Variants in SLC4A10 observed in about 807,000 individuals in gnomAD.
SLC4A10 encodes the protein sodium-driven chloride bicarbonate exchanger.
SLC4A10 carries 42 observed loss-of-function variants against 137.7 expected under a neutral mutation model. The observed-to-expected ratio is 0.30, with a 90% CI of 0.24 to 0.39. The LOEUF (loss-of-function observed/expected upper bound fraction) is 0.39. Ranked by LOEUF, SLC4A10 falls within the 10% of genes least tolerant of loss-of-function variation. SLC4A10 has a pLI of 1.00. For synonymous variants in SLC4A10, 474 were observed against 464.1 expected (o/e 1.02, Z -0.27); for missense variants, 925 against 1,355.0 (o/e 0.68, Z 4.98).
intron 6 of SLC4A10, among the ~76,000 whole-genome samples, chr2:161,869,514 T>C (rs2060975905): frequency 6.6e-6 from 1 of 151,644 alleles, no homozygotes; most frequent in Admixed American, 6.6e-5. Flanking sequence ...ATATTGGTTT[T>C]ATATATACAG....
At chr2:161,891,450 G>T (rs904505250) in intron 10 of SLC4A10, among the ~76,000 whole-genome samples, 10 of 151,926 alleles carry the variant, frequency 6.6e-5, no homozygotes, top group Admixed American at 6.6e-4. Flanking sequence ...CGTAGGTTTG[G>T]TCTATTCACA....
At chr2:161,847,286 T>TAC (rs144144995) in intron 4 of SLC4A10, among the ~76,000 whole-genome samples, 4,801 of 147,936 alleles carry the variant, frequency 0.032, 199 homozygotes, top group African/African-American at 0.095. Context: ...CACACACACA[T>TAC]ACACACACAC....
chr2:161,908,286 A>G (rs1458104132), intron 15 of SLC4A10, among the ~76,000 whole-genome samples: 3 of 152,036 alleles, frequency 2.0e-5, no homozygotes, highest in African/African-American at 7.2e-5. Flanking sequence ...AAAGTGTTTG[A>G]AAAGAGATAC....
rs1208143673 is a variant in SLC4A10, at chr2:161,660,572, CTT to C, written c.48+36008_48+36009del. ...CTCATCTATATTTCTTTCTTTCTTTCTTTCTTTCTTTCTTTCTTTCTTTCTTT... is the reference window on the plus strand; with the variant it reads ...CTCATCTATATTTCTTTCTTTCTTTCTCTTTCTTTCTTTCTTTCTTTCTTT... On this transcript the variant is annotated intron_variant, in intron 1 of 26. Transcript: ENST00000446997. Among the ~76,000 whole-genome samples the C allele has an allele frequency of 4.2e-5, 5 of 120,140 alleles. No individual in the cohort carries two copies. The South Asian group carries it at 1.0e-3, about 24-fold the overall frequency. The allele number at this position is 120,140 out of a possible 152,430, so 78.8% of individuals were successfully genotyped here. A position where few individuals can be genotyped will look rare whatever the true frequency, so the allele number is the denominator to read the frequency against.
At chr2:161,726,899 ACT>A (rs2046294773) in intron 1 of SLC4A10, among the ~76,000 whole-genome samples, 1 of 152,162 alleles carries the variant, frequency 6.6e-6, no homozygotes, top group South Asian at 2.1e-4. Context: ...ACAGAGCAAG[ACT>A]CTGTCTCAAA....
intron 1 of SLC4A10, among the ~76,000 whole-genome samples, chr2:161,744,089 T>C (rs775929425): frequency 1.9e-4 from 29 of 152,266 alleles, no homozygotes; most frequent in South Asian, 1.0e-3. Context: ...GATAATTCTA[T>C]TTATTCCTTT....
chr2:161,741,125 T>G lies in SLC4A10; in HGVS notation c.49-29848T>G, dbSNP rs192761476. On this transcript the variant is annotated intron_variant, in intron 1 of 26. Transcript: ENST00000446997. ...GTGTCTCCACAAAAAATTAGCAAAGTGTTGTAGTGGGCACCTGAAGTTCCA... is the reference window on the plus strand; with the variant it reads ...GTGTCTCCACAAAAAATTAGCAAAGGGTTGTAGTGGGCACCTGAAGTTCCA... Among the ~76,000 whole-genome samples, 8 of 151,844 alleles carry G rather than the reference T, an allele frequency of 5.3e-5. No homozygotes were observed. The East Asian group carries it at 1.6e-3, about 30-fold the overall frequency.
intron 21 of SLC4A10, among the ~76,000 whole-genome samples, chr2:161,960,582 T>A (rs1321073501): frequency 2.6e-5 from 4 of 151,108 alleles, no homozygotes; most frequent in Non-Finnish European, 5.9e-5. Flanking sequence ...CAGACGGGTG[T>A]GGTGGTGCAT....
At position 161,854,963 on chromosome 2, in the gene SLC4A10, TG is replaced by T; in HGVS notation, c.417-6del. The T allele has an allele frequency of 6.2e-7, 1 of 1,609,374 alleles. No homozygotes were observed. Among genetic ancestry groups the T allele is most frequent in the Non-Finnish European group, 8.5e-7 (1 of 1,177,946 alleles). Reference sequence around the variant, plus strand: ...ATAAACTGTGCTGATAATATTTGTTTGTATAGGTGGTTGAAGTTTGAAGAAG... The same window carrying T: ...ATAAACTGTGCTGATAATATTTGTTTTATAGGTGGTTGAAGTTTGAAGAAG... On this transcript the variant is annotated splice_polypyrimidine_tract_variant and splice_region_variant and intron_variant, in intron 4 of 26. Coordinates refer to ENST00000446997, the MANE Select transcript of SLC4A10 (RefSeq NM_001178015.2).
At chr2:161,897,304 A>G (rs1384237528) in intron 11 of SLC4A10, among the ~76,000 whole-genome samples, 1 of 152,104 alleles carries the variant, frequency 6.6e-6, no homozygotes, top group African/African-American at 2.4e-5. Context: ...TGCCACCTCT[A>G]TGCCTACTGA....
At chr2:161,971,394 C>A (rs1050649950) in intron 23 of SLC4A10, among the ~76,000 whole-genome samples, 8 of 152,186 alleles carry the variant, frequency 5.3e-5, no homozygotes, top group African/African-American at 1.9e-4. Context: ...TCAGTGAACT[C>A]TCTCAAAGGT....
chr2:161,760,311 T>C (rs564110012), intron 1 of SLC4A10, among the ~76,000 whole-genome samples: 1 of 152,206 alleles, frequency 6.6e-6, no homozygotes, highest in East Asian at 1.9e-4. Flanking sequence ...CTTATTCTTA[T>C]ATCATCTTTC....
At chr2:161,843,778 G>T (rs1170963128) in intron 4 of SLC4A10, among the ~76,000 whole-genome samples, 2 of 151,938 alleles carry the variant, frequency 1.3e-5, no homozygotes. Context: ...TTCCAGATGG[G>T]ATTAATAATT....
chr2:161,755,745 G>C (rs1417382230), intron 1 of SLC4A10, among the ~76,000 whole-genome samples: 4 of 150,204 alleles, frequency 2.7e-5, no homozygotes, highest in Non-Finnish European at 1.5e-5. Context: ...TTTCTTTACT[G>C]TCTGTTGTCT....
chr2:161,839,671 A>AGGTGTGAGCTTGGGGT (rs1250021753), intron 3 of SLC4A10, 118 bp from the exon 4 acceptor site: 17 of 1,030,338 alleles, frequency 1.6e-5, no homozygotes, highest in Non-Finnish European at 2.3e-5. Context: ...GGAGCAGGGG[A>AGGTGTGAGCTTGGGGT]GGTGTGAGCT....
chr2:161,830,835 A>C (rs1308791128), intron 3 of SLC4A10, among the ~76,000 whole-genome samples: 1 of 152,160 alleles, frequency 6.6e-6, no homozygotes, highest in Non-Finnish European at 1.5e-5. Context: ...TTATTGCACA[A>C]TTAATTATTA....
chr2:161,874,085 A>C (rs2061319473), intron 8 of SLC4A10, 80 bp downstream of exon 8: 1 of 1,369,496 alleles, frequency 7.3e-7, no homozygotes, highest in Non-Finnish European at 1.0e-6. Context: ...TCAAACATTA[A>C]GCCAGTTGAA....
intron 1 of SLC4A10, among the ~76,000 whole-genome samples, chr2:161,660,580 C>CTTTCTTTCT (rs1558968955): frequency 1.5e-4 from 19 of 129,628 alleles, no homozygotes; most frequent in Non-Finnish European, 3.3e-4. Context: ...TTCTTTCTTT[C>CTTTCTTTCT]TTTCTTTCTT....
Position 161,697,568 on chromosome 2 carries a change from G to T in SLC4A10, c.48+73002G>T, listed in dbSNP as rs534478615. Among the ~76,000 whole-genome samples, 689 of 151,692 alleles carry T rather than the reference G, an allele frequency of 4.5e-3. 3 individuals carry two copies. Among genetic ancestry groups the T allele is most frequent in the African/African-American group, 0.014 (584 of 41,090 alleles). ...CACCATTTATTAAATAGGGAATCTT[G>T]TCCCCATTTCTTGTTTTTGTCAGAT... On this transcript the variant is annotated intron_variant, in intron 1 of 26. Transcript: ENST00000446997.
Sources: allele counts gnomAD v4.1 joint callset (sites outside exome capture counted in the v4.1 genomes callset), GRCh38; gene constraint gnomAD v4.1.1; transcripts MANE v1.5; gene names NCBI Gene and HGNC (gene_info 2026-07-23, HGNC 2026-07-21).